Variants in LIMCH1 observed in about 807,000 individuals in gnomAD.
LIMCH1 encodes LIM and calponin homology domains 1, also known as LIM and calponin homology domains-containing protein 1.
In LIMCH1, 113 loss-of-function variants were observed where a neutral mutation model predicts 176.5. The observed-to-expected ratio is 0.64, with a 90% CI of 0.55 to 0.75. The LOEUF (loss-of-function observed/expected upper bound fraction) is 0.75, where lower values mean the gene tolerates loss of function less well. Ranked by LOEUF, LIMCH1 falls within the 30% of genes least tolerant of loss-of-function variation. LIMCH1 has a pLI of 0.00. For synonymous variants in LIMCH1, 619 were observed against 645.9 expected, an observed-to-expected ratio of 0.96 and a Z score of 0.63; for missense variants, 1,674 against 1,814.9, an observed-to-expected ratio of 0.92 and a Z score of 1.41.
intron 1 of LIMCH1, among the ~76,000 whole-genome samples, chr4:41,425,505 C>A (rs1277392996): frequency 1.3e-5 from 2 of 152,148 alleles, no homozygotes; most frequent in African/African-American, 2.4e-5. Flanking sequence ...CACCACCACA[C>A]CTGGCTAATT....
At chr4:41,466,893 C>T (rs753385628) in intron 1 of LIMCH1, among the ~76,000 whole-genome samples, 3 of 152,100 alleles carry the variant, frequency 2.0e-5, no homozygotes, top group African/African-American at 7.2e-5. Flanking sequence ...TCTTGTAAAA[C>T]CGAAACTCTG....
At chr4:41,565,396 C>G (rs902975857) in intron 1 of LIMCH1, among the ~76,000 whole-genome samples, 10 of 144,598 alleles carry the variant, frequency 6.9e-5, no homozygotes, top group Admixed American at 6.1e-4. Flanking sequence ...CACACACACA[C>G]AGACACACAC....
intron 23 of LIMCH1, among the ~76,000 whole-genome samples, chr4:41,676,830 AT>A (rs1320622711): frequency 2.0e-5 from 3 of 152,162 alleles, no homozygotes; most frequent in Admixed American, 6.6e-5. Context: ...GTGAAATAAA[AT>A]TTAGCCTCAG....
At chr4:41,547,389 A>G (rs999338054) in intron 1 of LIMCH1, among the ~76,000 whole-genome samples, 1 of 151,944 alleles carries the variant, frequency 6.6e-6, no homozygotes, top group African/African-American at 2.4e-5. Context: ...TTAGATTCCA[A>G]GTATAAGTGA....
At chr4:41,438,376 CTTTTT>C (rs540920543) in intron 1 of LIMCH1, among the ~76,000 whole-genome samples, 3 of 146,740 alleles carry the variant, frequency 2.0e-5, no homozygotes, top group East Asian at 2.0e-4. Flanking sequence ...CTTTTCTTTT[CTTTTT>C]TTTTTTTTGA....
intron 1 of LIMCH1, among the ~76,000 whole-genome samples, chr4:41,582,400 T>C (rs990580202): frequency 6.6e-6 from 1 of 152,230 alleles, no homozygotes; most frequent in Non-Finnish European, 1.5e-5. Flanking sequence ...TATTAGCCCA[T>C]GTAAACATTA....
At chr4:41,569,695 A>C (rs761268629) in intron 1 of LIMCH1, among the ~76,000 whole-genome samples, 1 of 152,194 alleles carries the variant, frequency 6.6e-6, no homozygotes, top group Non-Finnish European at 1.5e-5. Context: ...ATGCATTGTC[A>C]AAGTAGTCAA....
chr4:41,642,117 A>G (rs1163496895), intron 14 of LIMCH1, among the ~76,000 whole-genome samples: 1 of 147,148 alleles, frequency 6.8e-6, no homozygotes, highest in Non-Finnish European at 1.5e-5. Flanking sequence ...GGCCTAAACC[A>G]AAATTCTGAC....
At chr4:41,659,849 A>T (rs10002429) in intron 18 of LIMCH1, among the ~76,000 whole-genome samples, 51,077 of 151,988 alleles carry the variant, frequency 0.34, 9,557 homozygotes, top group African/African-American at 0.49. Context: ...CTAAGTAAAT[A>T]TTGTAATAGC....
chr4:41,654,270 T>A (rs775508123), intron 18 of LIMCH1, among the ~76,000 whole-genome samples: 1 of 152,148 alleles, frequency 6.6e-6, no homozygotes, highest in African/African-American at 2.4e-5. Context: ...AGTAGGACAC[T>A]CTCATGATGC....
At position 41,633,758 on chromosome 4, in the gene LIMCH1, G is replaced by A; in HGVS notation, c.2040G>A (p.Lys680=). 1 of 1,536,166 alleles carries A rather than the reference G, an allele frequency of 6.5e-7. No homozygotes were observed. The highest frequency in any genetic ancestry group is 8.7e-7 in the Non-Finnish European group (1 of 1,146,924). The change falls in exon 13 of 32, where the codon AAG becomes AAA. Residue 680 remains lysine, a synonymous_variant. Transcript: ENST00000503057. ...PNQFLPVPFA[K]QQDVEESSKG... is the part of the protein sequence containing the mutation. ...AGTTCCTTCCAGTTCCATTTGCAAA[G>A]CAACAGGATGTGGAAGAATCTTCTA...
At chr4:41,402,133 A>G (rs1436644114) in intron 1 of LIMCH1, among the ~76,000 whole-genome samples, 2 of 152,210 alleles carry the variant, frequency 1.3e-5, no homozygotes, top group African/African-American at 4.8e-5. Flanking sequence ...TTTACAAGAA[A>G]AAAACAAACA....
At chr4:41,619,640 T>C in intron 6 of LIMCH1, 200 bp downstream of exon 6, 1 of 641,430 alleles carries the variant, frequency 1.6e-6, no homozygotes, top group Non-Finnish European at 2.6e-6. Context: ...GAACAGTGCC[T>C]GGCACACAGT....
intron 1 of LIMCH1, among the ~76,000 whole-genome samples, chr4:41,397,775 CTT>C (rs1475103817): frequency 6.6e-6 from 1 of 152,104 alleles, no homozygotes; most frequent in Non-Finnish European, 1.5e-5. Context: ...ATGATGGTGA[CTT>C]TGTCAATTTC....
chr4:41,482,102 ATGCGATCTGCCTGCCTT>A (rs2068752098), intron 1 of LIMCH1, among the ~76,000 whole-genome samples: 1 of 152,086 alleles, frequency 6.6e-6, no homozygotes, highest in African/African-American at 2.4e-5. Flanking sequence ...CTGCCTGCCT[ATGCGATCTGCCTGCCTT>A]GGCCTCCCAA....
At chr4:41,428,857 T>A (rs944867062) in intron 1 of LIMCH1, among the ~76,000 whole-genome samples, 1 of 152,136 alleles carries the variant, frequency 6.6e-6, no homozygotes, top group Non-Finnish European at 1.5e-5. Flanking sequence ...AGGCATGGGG[T>A]TGAGTTGCTG....
intron 1 of LIMCH1, among the ~76,000 whole-genome samples, chr4:41,390,456 A>G (rs549325422): frequency 6.6e-6 from 1 of 152,326 alleles, no homozygotes; most frequent in African/African-American, 2.4e-5. Flanking sequence ...CGTGGTGTGC[A>G]ATGTTACCAA....
intron 7 of LIMCH1, among the ~76,000 whole-genome samples, chr4:41,625,790 G>T (rs1020800419): frequency 6.6e-6 from 1 of 152,100 alleles, no homozygotes; most frequent in South Asian, 2.1e-4. Context: ...AATTGGCATC[G>T]CAAATTGGCA....
intron 1 of LIMCH1, among the ~76,000 whole-genome samples, chr4:41,576,572 G>T (rs886374518): frequency 6.6e-6 from 1 of 152,098 alleles, no homozygotes; most frequent in African/African-American, 2.4e-5. Flanking sequence ...ACAGAGAAAT[G>T]GTAAAATTAG....
Sources: allele counts gnomAD v4.1 joint callset (sites outside exome capture counted in the v4.1 genomes callset), GRCh38; gene constraint gnomAD v4.1.1; transcripts MANE v1.5; gene names NCBI Gene and HGNC (gene_info 2026-07-23, HGNC 2026-07-21).